Variants in SDK2 observed in about 807,000 individuals in gnomAD.
SDK2 encodes the protein sidekick cell adhesion molecule 2, also known as protein sidekick-2.
In SDK2, 105 loss-of-function variants were observed where a neutral mutation model predicts 253.9. The ratio of observed to expected loss-of-function variants is 0.41; its 90% CI spans 0.35 to 0.49. The LOEUF (loss-of-function observed/expected upper bound fraction) is 0.49. Among genes scored for constraint, SDK2 ranks in the 20% least tolerant of loss-of-function variants. SDK2 has a pLI of 0.06. For missense variants in SDK2, 2,608 were observed against 3,003.0 expected (o/e 0.87, Z 3.07); for synonymous variants, 1,249 against 1,234.9 (o/e 1.01, Z -0.24).
intron 3 of SDK2, among the ~76,000 whole-genome samples, chr17:73,466,721 C>CCA (rs1555584428): frequency 1.4e-5 from 2 of 146,124 alleles, no homozygotes; most frequent in Non-Finnish European, 3.1e-5. Flanking sequence ...GAACGCCCCC[C>CCA]CCCCCCGGCT....
intron 16 of SDK2, among the ~76,000 whole-genome samples, chr17:73,418,679 G>C (rs2063203158): frequency 6.6e-6 from 1 of 152,128 alleles, no homozygotes; most frequent in African/African-American, 2.4e-5. Context: ...TCCCATTTAG[G>C]TTACTAGAAG....
In SDK2 at chr17:73,598,862, C is replaced by T. The variant is rs1373274595; in HGVS notation, c.64+45163G>A. Among the ~76,000 whole-genome samples, 9 of 152,360 alleles carry T rather than the reference C, an allele frequency of 5.9e-5. No individual in the cohort carries two copies. The East Asian group carries it at 1.7e-3, about 29-fold the overall frequency. On this transcript the variant is annotated intron_variant, in intron 1 of 44. Transcript: ENST00000392650. ...GCCTCGTGTAAGTCACAGCACCTCTCCTGCTTTCCGTTTCCATTTACACAA... is the reference window on the plus strand; with the variant it reads ...GCCTCGTGTAAGTCACAGCACCTCTTCTGCTTTCCGTTTCCATTTACACAA...
At chr17:73,385,353 G>T (rs1235145508) in intron 32 of SDK2, among the ~76,000 whole-genome samples, 1 of 152,166 alleles carries the variant, frequency 6.6e-6, no homozygotes, top group African/African-American at 2.4e-5. Flanking sequence ...TATGGACGAA[G>T]GGGGGCATTT....
chr17:73,617,644 C>T (rs1796727221), intron 1 of SDK2, among the ~76,000 whole-genome samples: 1 of 152,130 alleles, frequency 6.6e-6, no homozygotes, highest in African/African-American at 2.4e-5. Context: ...TTTACCAACC[C>T]CCTGCCAATA....
intron 16 of SDK2, among the ~76,000 whole-genome samples, chr17:73,418,471 G>C (rs912074767): frequency 6.6e-6 from 1 of 152,176 alleles, no homozygotes; most frequent in Non-Finnish European, 1.5e-5. Context: ...TTCAGGATTA[G>C]TGAAAAACCC....
chr17:73,428,754 ATG>A (rs773151992), intron 12 of SDK2, among the ~76,000 whole-genome samples: 3 of 152,046 alleles, frequency 2.0e-5, no homozygotes, highest in Non-Finnish European at 4.4e-5. Context: ...GGTAGAAGGG[ATG>A]TCCCCGTCCC....
chr17:73,451,376 C>T (rs1357749062), intron 4 of SDK2, among the ~76,000 whole-genome samples: 2 of 152,146 alleles, frequency 1.3e-5, no homozygotes, highest in Non-Finnish European at 2.9e-5. Context: ...TGTGGTGGTG[C>T]ATGCCTGTAA....
At chr17:73,523,532 G>A (rs1437302973) in intron 1 of SDK2, among the ~76,000 whole-genome samples, 1 of 151,908 alleles carries the variant, frequency 6.6e-6, no homozygotes, top group African/African-American at 2.4e-5. Context: ...GTGAAGACAG[G>A]TGAAGATGGG....
intron 4 of SDK2, among the ~76,000 whole-genome samples, chr17:73,450,181 G>C (rs183890728): frequency 6.6e-6 from 1 of 152,310 alleles, no homozygotes; most frequent in East Asian, 1.9e-4. Flanking sequence ...GCTGGGGCAC[G>C]GGGTGAGCTC....
chr17:73,387,827 G>A lies in SDK2; in HGVS notation c.4394+9C>T, dbSNP rs1216693513. On this transcript the variant is annotated intron_variant, in intron 30 of 44. Transcript: ENST00000392650. Reference sequence around the variant, plus strand: ...GCAGTGGGGATGCTGGCATGGACCCGAGCCTTACCTGTCCACAATGAAGCT... The same window carrying A: ...GCAGTGGGGATGCTGGCATGGACCCAAGCCTTACCTGTCCACAATGAAGCT... 1.4e-5 allele frequency: 21 copies of A among 1,551,124 alleles called. No individual in the cohort carries two copies. The highest frequency in any genetic ancestry group is 5.6e-5 in the Admixed American group (3 of 53,262).
At chr17:73,555,765 G>A (rs12150622) in intron 1 of SDK2, among the ~76,000 whole-genome samples, 5 of 151,988 alleles carry the variant, frequency 3.3e-5, no homozygotes, top group Admixed American at 2.6e-4. Flanking sequence ...CAAAGCTGCC[G>A]GAGCCACTTA....
At chr17:73,560,214 A>G (rs2045211656) in intron 1 of SDK2, among the ~76,000 whole-genome samples, 1 of 152,234 alleles carries the variant, frequency 6.6e-6, no homozygotes, top group East Asian at 1.9e-4. Context: ...AATAAATGAC[A>G]GACAAGGTGT....
intron 1 of SDK2, among the ~76,000 whole-genome samples, chr17:73,631,255 C>A (rs530141536): frequency 2.0e-5 from 3 of 152,218 alleles, no homozygotes. Context: ...GGCCCCACAA[C>A]GGTCTGCCGG....
At chr17:73,523,305 G>A (rs1443932721) in intron 1 of SDK2, among the ~76,000 whole-genome samples, 1 of 151,852 alleles carries the variant, frequency 6.6e-6, no homozygotes, top group Non-Finnish European at 1.5e-5. Context: ...TCTTGATGAG[G>A]GGAGGGCTGG....
At chr17:73,448,580 G>T (rs568820146) in intron 4 of SDK2, among the ~76,000 whole-genome samples, 7 of 151,964 alleles carry the variant, frequency 4.6e-5, no homozygotes, top group Non-Finnish European at 8.8e-5. Flanking sequence ...TAGCCAGGAT[G>T]GTCTCGATCT....
chr17:73,347,038 A>G (rs550891268), intron 44 of SDK2, among the ~76,000 whole-genome samples: 1 of 152,320 alleles, frequency 6.6e-6, no homozygotes, highest in Non-Finnish European at 1.5e-5. Flanking sequence ...GCTGAGTGGC[A>G]GCAGCACTGA....
chr17:73,350,090 G>T, intron 43 of SDK2, 147 bp downstream of exon 43: 2 of 751,666 alleles, frequency 2.7e-6, no homozygotes, highest in Non-Finnish European at 4.2e-6. Context: ...TCTTTCTGCT[G>T]ATCGTTCCCA....
At chr17:73,587,776 C>T (rs1031559847) in intron 1 of SDK2, among the ~76,000 whole-genome samples, 4 of 152,240 alleles carry the variant, frequency 2.6e-5, no homozygotes, top group Non-Finnish European at 4.4e-5. Flanking sequence ...TTACATTTCC[C>T]TGAACTGGCT....
chr17:73,588,199 C>A (rs900475152), intron 1 of SDK2, among the ~76,000 whole-genome samples: 2 of 91,692 alleles, frequency 2.2e-5, no homozygotes, highest in Admixed American at 1.0e-4. Flanking sequence ...ATGGAGAGAC[C>A]CCCCCCCCTC....
Sources: allele counts gnomAD v4.1 joint callset (sites outside exome capture counted in the v4.1 genomes callset), GRCh38; gene constraint gnomAD v4.1.1; transcripts MANE v1.5; gene names NCBI Gene and HGNC (gene_info 2026-07-23, HGNC 2026-07-21).